GNAO1: variants seen among roughly 807,000 people sequenced by gnomAD.
GNAO1 encodes guanine nucleotide-binding protein G(o) subunit alpha.
For missense variants in GNAO1, 166 were observed against 478.7 expected (o/e 0.35, Z 6.10); for synonymous variants, 164 against 180.7 (o/e 0.91, Z 0.74).
chr16:56,228,511 A>G lies in GNAO1; in HGVS notation c.161+35895A>G, dbSNP rs559442361. ...TAAAATACATAAAGAAAAATAGAAAATAGAAAAGTTAACTGGAAGTTATCA... is the reference window on the plus strand; with the variant it reads ...TAAAATACATAAAGAAAAATAGAAAGTAGAAAAGTTAACTGGAAGTTATCA... On this transcript the variant is annotated intron_variant, in intron 2 of 8. Coordinates refer to ENST00000262493, the MANE Select transcript of GNAO1 (RefSeq NM_020988.3). 1.7e-4 allele frequency among the ~76,000 whole-genome samples: 26 copies of G among 152,124 alleles called. No homozygotes were observed. In the South Asian group the frequency reaches 5.4e-3, roughly 32 times the overall value.
At chr16:56,268,038 A>G (rs1422527528) in intron 2 of GNAO1, among the ~76,000 whole-genome samples, 7 of 152,098 alleles carry the variant, frequency 4.6e-5, no homozygotes, top group African/African-American at 9.7e-5. Context: ...GGGAGCATCA[A>G]GGGAGGTAAG....
At chr16:56,220,588 G>C (rs149071756) in intron 2 of GNAO1, among the ~76,000 whole-genome samples, 3 of 152,160 alleles carry the variant, frequency 2.0e-5, no homozygotes, top group Non-Finnish European at 4.4e-5. Context: ...AAATGTTTGC[G>C]TATGGGGGTT....
At chr16:56,308,028 G>A (rs1444912554) in intron 3 of GNAO1, 1 of 152,232 alleles carries the variant, frequency 6.6e-6, no homozygotes, top group Non-Finnish European at 1.5e-5. Context: ...GGGTGTCCTT[G>A]GAAGGTAAGA....
At chr16:56,320,308 T>C (rs1223749387) in intron 3 of GNAO1, among the ~76,000 whole-genome samples, 1 of 152,152 alleles carries the variant, frequency 6.6e-6, no homozygotes, top group African/African-American at 2.4e-5. Context: ...GAGCCGTGTA[T>C]ACTCGTCCAC....
At chr16:56,247,495 T>TC in intron 2 of GNAO1, among the ~76,000 whole-genome samples, 1 of 151,322 alleles carries the variant, frequency 6.6e-6, no homozygotes, top group East Asian at 1.9e-4. Context: ...TTTTTTTTTT[T>TC]TTTTTTTTCA....
chr16:56,343,746 G>T, intron 6 of GNAO1: 1 of 1,605,118 alleles, frequency 6.2e-7, no homozygotes, highest in Non-Finnish European at 8.5e-7. Flanking sequence ...ACCACACCTT[G>T]CCTGTTTGCT....
Position 56,342,296 on chromosome 16 carries a change from A to C in GNAO1, c.723+5436A>C, listed in dbSNP as rs1459318087. 2.0e-5 allele frequency among the ~76,000 whole-genome samples: 3 copies of C among 152,314 alleles called. No homozygotes were observed. In the East Asian group the frequency reaches 5.8e-4, roughly 29 times the overall value. ...TAGGACACTCCCCAACCTCCAGCCCAGATTGAGCAAAGAGCTGAGGTCTGG... is the reference window on the plus strand; with the variant it reads ...TAGGACACTCCCCAACCTCCAGCCCCGATTGAGCAAAGAGCTGAGGTCTGG... On this transcript the variant is annotated intron_variant, in intron 6 of 8. Transcript: ENST00000262493.
chr16:56,294,710 G>A (rs1394230100), intron 3 of GNAO1, among the ~76,000 whole-genome samples: 1 of 152,166 alleles, frequency 6.6e-6, no homozygotes, highest in Non-Finnish European at 1.5e-5. Flanking sequence ...CCAAGTGGTA[G>A]TACTGTTGAA....
intron 3 of GNAO1, among the ~76,000 whole-genome samples, chr16:56,317,061 A>G (rs2037518666): frequency 6.6e-6 from 1 of 152,228 alleles, no homozygotes; most frequent in South Asian, 2.1e-4. Flanking sequence ...CCTGCTTCTC[A>G]GTCATTGGAA....
intron 2 of GNAO1, among the ~76,000 whole-genome samples, chr16:56,218,310 C>T (rs1316786842): frequency 2.0e-5 from 3 of 152,196 alleles, no homozygotes; most frequent in African/African-American, 7.2e-5. Context: ...TGTATCTGGG[C>T]CTCCACTGCC....
intron 2 of GNAO1, chr16:56,213,127 GA>G: frequency 2.6e-6 from 1 of 391,020 alleles, no homozygotes; most frequent in Admixed American, 4.4e-5. Flanking sequence ...CCCGCTCTAG[GA>G]ATTCTTCCAG....
intron 2 of GNAO1, among the ~76,000 whole-genome samples, chr16:56,216,148 A>G (rs181031130): frequency 6.6e-6 from 1 of 152,322 alleles, no homozygotes; most frequent in Admixed American, 6.5e-5. Flanking sequence ...AGGAAACATC[A>G]TCTTGGTTTA....
intron 2 of GNAO1, among the ~76,000 whole-genome samples, chr16:56,251,472 T>A (rs1341517460): frequency 6.6e-6 from 1 of 152,240 alleles, no homozygotes; most frequent in East Asian, 1.9e-4. Flanking sequence ...CTCAAGGGCA[T>A]GTTTTAATAA....
At chr16:56,280,218 G>T (rs2037101616) in intron 3 of GNAO1, among the ~76,000 whole-genome samples, 1 of 152,258 alleles carries the variant, frequency 6.6e-6, no homozygotes, top group Admixed American at 6.5e-5. Flanking sequence ...TGGTGGGCAG[G>T]AAGAGCTGCT....
intron 2 of GNAO1, among the ~76,000 whole-genome samples, chr16:56,256,548 C>A (rs1211998611): frequency 6.6e-6 from 1 of 152,152 alleles, no homozygotes; most frequent in Non-Finnish European, 1.5e-5. Context: ...CCAAAGGCCT[C>A]AGCAGTTCTC....
chr16:56,305,443 G>A (rs894360891), intron 3 of GNAO1, among the ~76,000 whole-genome samples: 1 of 152,184 alleles, frequency 6.6e-6, no homozygotes, highest in African/African-American at 2.4e-5. Context: ...TATCTTGGGG[G>A]TTAAAGTGAG....
rs2036925481 is a variant in GNAO1 at position 56,263,648 on chromosome 16, A to G, written c.162-12283A>G. On this transcript the variant is annotated intron_variant, in intron 2 of 8. Transcript: ENST00000262493. ...CTTTTGTCCAACAAGAACCCCTTTG[A>G]TTATTTGCCCCCCATGAGTCACTAT... 2.6e-5 allele frequency among the ~76,000 whole-genome samples: 4 copies of G among 152,274 alleles called. No individual in the cohort carries two copies. In the South Asian group the frequency reaches 8.3e-4, roughly 32 times the overall value.
At chr16:56,248,486 T>C (rs2036770270) in intron 2 of GNAO1, among the ~76,000 whole-genome samples, 1 of 152,162 alleles carries the variant, frequency 6.6e-6, no homozygotes, top group Non-Finnish European at 1.5e-5. Context: ...TTCTGGTCCA[T>C]GATAACAGCT....
intron 3 of GNAO1, among the ~76,000 whole-genome samples, chr16:56,322,354 CA>C (rs1200058836): frequency 6.6e-6 from 1 of 152,174 alleles, no homozygotes; most frequent in East Asian, 1.9e-4. Flanking sequence ...GGGGCCGTAG[CA>C]GAAAGAATGG....
Sources: gnomAD v4.1 joint callset for allele counts (sites outside exome capture counted in the v4.1 genomes callset) on GRCh38, gnomAD v4.1.1 for gene constraint, MANE v1.5 for transcripts, NCBI Gene and HGNC (gene_info 2026-07-23, HGNC 2026-07-21) for gene names.